The following GPCPD1 variants were observed in gnomAD, a reference collection of about 807,000 sequenced individuals.
GPCPD1 encodes the protein glycerophosphocholine phosphodiesterase 1.
Under a neutral mutation model 89.2 loss-of-function variants are expected in GPCPD1, and 29 were observed. The ratio of observed to expected loss-of-function variants is 0.33; its 90% CI spans 0.24 to 0.44. GPCPD1 has a LOEUF of 0.44. Among genes scored for constraint, GPCPD1 ranks in the 20% least tolerant of loss-of-function variants. The pLI is 1.00. For missense variants in GPCPD1, 594 were observed against 808.9 expected (o/e 0.73, Z 3.22); for synonymous variants, 258 against 266.3 (o/e 0.97, Z 0.30).
At chr20:5,558,368 A>G (rs1985895718) in intron 18 of GPCPD1, among the ~76,000 whole-genome samples, 1 of 152,208 alleles carries the variant, frequency 6.6e-6, no homozygotes, top group Non-Finnish European at 1.5e-5. Flanking sequence ...GCTCTACCAA[A>G]ACAAGTTCAC....
At chr20:5,608,590 A>T (rs983452399) in intron 1 of GPCPD1, among the ~76,000 whole-genome samples, 1 of 148,710 alleles carries the variant, frequency 6.7e-6, no homozygotes, top group Admixed American at 6.8e-5. Context: ...AAATGTATGC[A>T]CCCACCCATA....
Position 5,558,833 on chromosome 20 carries a change from AT to A in GPCPD1, c.1533-15del. On this transcript the variant is annotated splice_polypyrimidine_tract_variant and intron_variant, in intron 17 of 19. Coordinates refer to ENST00000379019, the MANE Select transcript of GPCPD1 (RefSeq NM_019593.5). ...TTTTGCCGAACCCTGAAAAGAAACA[AT>A]TTTAAAAATACCTTTCAATGGGGGG... is the stretch of plus-strand genomic sequence containing the variant. The A allele has an allele frequency of 1.3e-6, 2 of 1,537,038 alleles. No homozygotes were observed. Among genetic ancestry groups the A allele is most frequent in the Non-Finnish European group, 1.8e-6 (2 of 1,137,438 alleles).
intron 6 of GPCPD1, among the ~76,000 whole-genome samples, chr20:5,581,303 T>G (rs138569721): frequency 6.6e-6 from 1 of 152,280 alleles, no homozygotes; most frequent in African/African-American, 2.4e-5. Flanking sequence ...GGGGGAAAAA[T>G]TAAATGAATA....
chr20:5,603,348 T>A (rs1373651587), intron 2 of GPCPD1, among the ~76,000 whole-genome samples: 3 of 152,056 alleles, frequency 2.0e-5, no homozygotes, highest in Non-Finnish European at 4.4e-5. Flanking sequence ...AATAATTCTA[T>A]AAAATCTCCA....
intron 5 of GPCPD1, chr20:5,585,476 G>T (rs1431764506): frequency 6.6e-6 from 1 of 152,058 alleles, no homozygotes; most frequent in Admixed American, 6.5e-5. Flanking sequence ...ATGAATACAT[G>T]TGGGTAATTT....
chr20:5,593,689 AAAGG>A (rs1393566749), intron 3 of GPCPD1, among the ~76,000 whole-genome samples: 1 of 152,206 alleles, frequency 6.6e-6, no homozygotes, highest in Non-Finnish European at 1.5e-5. Flanking sequence ...GAGGCTTTTA[AAAGG>A]AAGGAAGGTT....
intron 3 of GPCPD1, among the ~76,000 whole-genome samples, chr20:5,596,557 A>C (rs1979745030): frequency 6.6e-6 from 1 of 152,120 alleles, no homozygotes; most frequent in African/African-American, 2.4e-5. Context: ...TAAAATCTAC[A>C]AGGAGGGCAA....
chr20:5,569,089 T>C (rs975800194), intron 12 of GPCPD1, among the ~76,000 whole-genome samples: 9 of 150,148 alleles, frequency 6.0e-5, no homozygotes, highest in African/African-American at 2.2e-4. Context: ...CCTCCTTCCT[T>C]TCCTCCCTTC....
chr20:5,593,311 G>C lies in GPCPD1; in HGVS notation c.231+16C>G, dbSNP rs760812328. 4 of 1,321,190 alleles carry C rather than the reference G, an allele frequency of 3.0e-6. No individual in the cohort carries two copies. The East Asian group carries it at 6.9e-5, about 23-fold the overall frequency. 81.8% of individuals were successfully genotyped at this position (1,321,190 alleles called of 1,614,324 possible). A position where few individuals can be genotyped will look rare whatever the true frequency, so the allele number is the denominator to read the frequency against. On this transcript the variant is annotated intron_variant, in intron 4 of 19. Transcript: ENST00000379019. ...GAAGTGCTAAAGGAATTGGAAACTA[G>C]ATAAAGAAAACATACCTTTGGTTCT... is the stretch of plus-strand genomic sequence containing the variant.
intron 4 of GPCPD1, among the ~76,000 whole-genome samples, chr20:5,587,199 C>T (rs953962453): frequency 2.0e-5 from 3 of 152,120 alleles, no homozygotes; most frequent in Non-Finnish European, 4.4e-5. Context: ...TTTGGAAGCA[C>T]ATTTTCAAAC....
chr20:5,571,712 C>A (rs1986729025), intron 11 of GPCPD1, among the ~76,000 whole-genome samples: 1 of 152,138 alleles, frequency 6.6e-6, no homozygotes, highest in Non-Finnish European at 1.5e-5. Flanking sequence ...AGTTCAAGAC[C>A]AGCCTGGCCA....
intron 16 of GPCPD1, among the ~76,000 whole-genome samples, 188 bp from the exon 17 acceptor site, chr20:5,560,264 GAC>G (rs1273320903): frequency 6.6e-6 from 1 of 152,170 alleles, no homozygotes; most frequent in Non-Finnish European, 1.5e-5. Context: ...ATTTAGTGAT[GAC>G]ACAGGTCATA....
Position 5,558,831 on chromosome 20 carries a change from C to CATAA in GPCPD1, c.1533-13_1533-12insTTAT, listed in dbSNP as rs1985923102. ...GCTTTTGCCGAACCCTGAAAAGAAACAATTTTAAAAATACCTTTCAATGGG... is the reference window on the plus strand; with the variant it reads ...GCTTTTGCCGAACCCTGAAAAGAAACATAAAATTTTAAAAATACCTTTCAATGGG... On this transcript the variant is annotated splice_polypyrimidine_tract_variant and intron_variant, in intron 17 of 19. Coordinates refer to ENST00000379019, the MANE Select transcript of GPCPD1 (RefSeq NM_019593.5). 1 of 1,541,602 alleles carries CATAA rather than the reference C, an allele frequency of 6.5e-7. No homozygotes were observed. The highest frequency in any genetic ancestry group is 1.4e-5 in the African/African-American group (1 of 71,074).
At chr20:5,595,531 C>T (rs890437537) in intron 3 of GPCPD1, among the ~76,000 whole-genome samples, 1 of 152,090 alleles carries the variant, frequency 6.6e-6, no homozygotes, top group Non-Finnish European at 1.5e-5. Context: ...ATCCCAGCTA[C>T]TCAGGAGGCT....
rs958693767 is a variant in GPCPD1 at position 5,546,504 on chromosome 20, T to C, written c.*1157A>G. 4 of 152,242 alleles carry C rather than the reference T, an allele frequency of 2.6e-5. No individual in the cohort carries two copies. Among genetic ancestry groups the C allele is most frequent in the African/African-American group, 9.6e-5 (4 of 41,466 alleles). 9.4% of individuals were successfully genotyped at this position (152,242 alleles called of 1,614,324 possible). A position where few individuals can be genotyped will look rare whatever the true frequency, so the allele number is the denominator to read the frequency against. Reference sequence around the variant, plus strand: ...TCTGTATCATTTTATTTAACATTCATTCTTTAAGTTACAGTTAACACAATC... The same window carrying C: ...TCTGTATCATTTTATTTAACATTCACTCTTTAAGTTACAGTTAACACAATC... On this transcript the variant is annotated 3_prime_UTR_variant, in exon 20 of 20. Transcript: ENST00000379019.
At chr20:5,584,452 A>G in intron 5 of GPCPD1, 130 bp from the exon 6 acceptor site, 1 of 511,780 alleles carries the variant, frequency 2.0e-6, no homozygotes, top group South Asian at 2.8e-5. Context: ...CCCAAGGTGA[A>G]TAAGCATATT....
At chr20:5,554,509 G>A (rs998713664) in intron 19 of GPCPD1, among the ~76,000 whole-genome samples, 1 of 152,138 alleles carries the variant, frequency 6.6e-6, no homozygotes, top group Non-Finnish European at 1.5e-5. Flanking sequence ...AATCTACTTT[G>A]TCTGTGCTCC....
chr20:5,608,966 C>T (rs1453235546), intron 1 of GPCPD1, among the ~76,000 whole-genome samples: 1 of 152,168 alleles, frequency 6.6e-6, no homozygotes, highest in Non-Finnish European at 1.5e-5. Context: ...AGAGTTCACA[C>T]TACCTGCCAA....
chr20:5,596,031 C>A (rs1389651566), intron 3 of GPCPD1, among the ~76,000 whole-genome samples: 1 of 152,038 alleles, frequency 6.6e-6, no homozygotes, highest in African/African-American at 2.4e-5. Context: ...GGTAAAGAAC[C>A]ACTAAATGAA....
Sources: gnomAD v4.1 joint callset for allele counts (sites outside exome capture counted in the v4.1 genomes callset) on GRCh38, gnomAD v4.1.1 for gene constraint, MANE v1.5 for transcripts, NCBI Gene and HGNC (gene_info 2026-07-23, HGNC 2026-07-21) for gene names.